Variants in TBC1D1 observed in about 807,000 individuals in gnomAD.
TBC1D1 encodes TBC1 (tre-2/USP6, BUB2, cdc16) domain family, member 1.
A neutral mutation model predicts 125.6 loss-of-function variants in TBC1D1; 89 were observed. That is an observed-to-expected ratio of 0.71 (90% CI 0.60 to 0.85). TBC1D1 has a LOEUF of 0.85. Among genes scored for constraint, TBC1D1 ranks in the 40% least tolerant of loss-of-function variants. The pLI is 0.00. For missense variants in TBC1D1, 1,377 were observed against 1,469.2 expected (o/e 0.94, Z 1.03); for synonymous variants, 565 against 564.1 (o/e 1.00, Z -0.02).
chr4:37,944,380 A>G (rs542573253), intron 2 of TBC1D1, among the ~76,000 whole-genome samples: 38 of 152,294 alleles, frequency 2.5e-4, no homozygotes, highest in African/African-American at 8.9e-4. Flanking sequence ...AGGGACATTT[A>G]AATCTGCAGA....
At chr4:37,983,750 A>C (rs1007377882) in intron 2 of TBC1D1, among the ~76,000 whole-genome samples, 1 of 152,228 alleles carries the variant, frequency 6.6e-6, no homozygotes, top group Non-Finnish European at 1.5e-5. Context: ...CTATATTGAC[A>C]TATGATTATC....
At chr4:38,011,536 TG>T (rs1363499817) in intron 2 of TBC1D1, among the ~76,000 whole-genome samples, 1 of 152,222 alleles carries the variant, frequency 6.6e-6, no homozygotes, top group Non-Finnish European at 1.5e-5. Context: ...AATTTGTTGT[TG>T]AAACTATATT....
At chr4:37,965,275 G>A (rs537445381) in intron 2 of TBC1D1, among the ~76,000 whole-genome samples, 1 of 152,238 alleles carries the variant, frequency 6.6e-6, no homozygotes, top group South Asian at 2.1e-4. Flanking sequence ...TCATACTCTC[G>A]ACCTCATGCG....
intron 14 of TBC1D1, among the ~76,000 whole-genome samples, chr4:38,099,707 C>T (rs1759975526): frequency 1.3e-5 from 2 of 152,186 alleles, no homozygotes; most frequent in Admixed American, 1.3e-4. Flanking sequence ...ACCCTGCCTG[C>T]AAGCCGTAGG....
Position 38,054,340 on chromosome 4 carries a change from T to G in TBC1D1, c.2050+2T>G. 6.2e-7 allele frequency: 1 copy of G among 1,613,916 alleles called. No homozygotes were observed. The highest frequency in any genetic ancestry group is 8.5e-7 in the Non-Finnish European group (1 of 1,179,958). The stretch of plus-strand genomic sequence containing the variant: ...GCGATTCTTCCAGCAGATATGAAGG[T>G]AAGGCCGGTACCTGAAATGAAACCT... On this transcript the variant is annotated splice_donor_variant, in intron 12 of 19. Coordinates refer to ENST00000261439, the MANE Select transcript of TBC1D1 (RefSeq NM_015173.4). LOFTEE classifies it high-confidence loss of function.
intron 15 of TBC1D1, chr4:38,110,114 C>A: frequency 1.4e-6 from 1 of 729,058 alleles, no homozygotes; most frequent in Non-Finnish European, 1.7e-6. Flanking sequence ...AGACCTCTGG[C>A]CTCTTGTAGC....
At chr4:37,993,025 A>G in intron 2 of TBC1D1, among the ~76,000 whole-genome samples, 1 of 151,630 alleles carries the variant, frequency 6.6e-6, no homozygotes, top group East Asian at 2.0e-4. Context: ...GACGGTCTCG[A>G]ACTCCTGACC....
chr4:38,093,527 CTTT>C (rs71658755), intron 13 of TBC1D1, among the ~76,000 whole-genome samples: 17,912 of 144,052 alleles, frequency 0.12, 1,518 homozygotes, highest in East Asian at 0.39. Flanking sequence ...TTTCCCCCCC[CTTT>C]TTTTTTTTTT....
chr4:37,917,498 GT>G (rs1356756117), intron 2 of TBC1D1, among the ~76,000 whole-genome samples: 1 of 152,036 alleles, frequency 6.6e-6, no homozygotes, highest in Non-Finnish European at 1.5e-5. Flanking sequence ...AATAAAAGAA[GT>G]TGTGTAAACA....
intron 17 of TBC1D1, chr4:38,118,430 GTGT>G: frequency 1.9e-6 from 1 of 516,912 alleles, no homozygotes; most frequent in East Asian, 3.4e-5. Context: ...GATCCGATCC[GTGT>G]AGATCCGATC....
intron 11 of TBC1D1, among the ~76,000 whole-genome samples, chr4:38,050,188 C>A (rs1750242958): frequency 6.6e-6 from 1 of 152,170 alleles, no homozygotes; most frequent in South Asian, 2.1e-4. Flanking sequence ...TGGAACTTTG[C>A]TGCTGTGAGG....
chr4:37,995,866 C>T lies in TBC1D1; in HGVS notation c.418-18643C>T. ...CATGTGATCACCAGAATGCATTTCT[C>T]TTTGAGAATCCAGACTTCTGGCTTA... is the stretch of plus-strand genomic sequence containing the variant. On this transcript the variant is annotated intron_variant, in intron 2 of 19. Coordinates refer to ENST00000261439, the MANE Select transcript of TBC1D1 (RefSeq NM_015173.4). The surrounding 1 kb of genome is among the most constrained non-coding windows in gnomAD (Gnocchi z 4.3). 1.7e-6 allele frequency: 1 copy of T among 577,486 alleles called. No individual in the cohort carries two copies. Among genetic ancestry groups the T allele is most frequent in the South Asian group, 1.4e-5 (1 of 72,660 alleles). 35.8% of individuals were successfully genotyped at this position (577,486 alleles called of 1,614,324 possible).
chr4:38,017,272 C>T (rs1299223126), intron 3 of TBC1D1, among the ~76,000 whole-genome samples: 3 of 152,092 alleles, frequency 2.0e-5, no homozygotes, highest in East Asian at 1.9e-4. Flanking sequence ...GATACTTATT[C>T]GTTGTTTACA....
At chr4:37,941,870 T>G (rs1272022283) in intron 2 of TBC1D1, among the ~76,000 whole-genome samples, 1 of 152,256 alleles carries the variant, frequency 6.6e-6, no homozygotes, top group Non-Finnish European at 1.5e-5. Flanking sequence ...CTAGTTTGAT[T>G]GCACTGTGGT....
At chr4:37,965,865 C>T (rs2152338532) in intron 2 of TBC1D1, among the ~76,000 whole-genome samples, 1 of 152,234 alleles carries the variant, frequency 6.6e-6, no homozygotes, top group Admixed American at 6.5e-5. Flanking sequence ...ATTCTCCTGC[C>T]TCAGCCTCCC....
At chr4:37,949,027 G>A (rs887084329) in intron 2 of TBC1D1, among the ~76,000 whole-genome samples, 5 of 152,142 alleles carry the variant, frequency 3.3e-5, no homozygotes, top group African/African-American at 1.2e-4. Context: ...TCAGTTGATG[G>A]CCATGGGTTG....
At position 38,014,569 on chromosome 4, in the gene TBC1D1, C is replaced by T. The variant is rs1240193721; in HGVS notation, c.478C>T (p.His160Tyr). The stretch of plus-strand genomic sequence containing the variant: ...GAAGATCGCCCGGCAGGAGGAGCTG[C>T]ACTGCCCGTCCGAGTTCGACGACAC... Residue 160 changes from histidine to tyrosine, a missense_variant, in exon 3 of 20, where the codon CAC (histidine) becomes TAC (tyrosine). His to Tyr is a moderately conservative substitution (Grantham distance 83). Coordinates refer to ENST00000261439, the MANE Select transcript of TBC1D1 (RefSeq NM_015173.4). The surrounding 1 kb of genome is among the most constrained non-coding windows in gnomAD (Gnocchi z 5.1). 3 of 1,613,254 alleles carry T rather than the reference C, an allele frequency of 1.9e-6. No individual in the cohort carries two copies. Among genetic ancestry groups the T allele is most frequent in the Non-Finnish European group, 2.5e-6 (3 of 1,180,038 alleles).
chr4:37,933,206 T>C lies in TBC1D1; in HGVS notation c.417+30694T>C, dbSNP rs114860986. Among the ~76,000 whole-genome samples, 691 of 152,238 alleles carry C rather than the reference T, an allele frequency of 4.5e-3. 3 individuals carry two copies. Among genetic ancestry groups the C allele is most frequent in the African/African-American group, 0.015 (630 of 41,540 alleles). ...TCAGTTTTACACCCATATGCATATA[T>C]ACTCACAAACACACATATATATACC... On this transcript the variant is annotated intron_variant, in intron 2 of 19. Coordinates refer to ENST00000261439, the MANE Select transcript of TBC1D1 (RefSeq NM_015173.4).
At chr4:37,987,557 T>G (rs533570172) in intron 2 of TBC1D1, among the ~76,000 whole-genome samples, 1 of 152,356 alleles carries the variant, frequency 6.6e-6, no homozygotes, top group South Asian at 2.1e-4. Flanking sequence ...AACATTCAAC[T>G]AATCTGCTTT....
Sources: gnomAD v4.1 joint callset for allele counts (sites outside exome capture counted in the v4.1 genomes callset) on GRCh38, gnomAD v4.1.1 for gene constraint, Gnocchi (gnomAD v3.1) non-coding constraint, MANE v1.5 for transcripts, NCBI Gene and HGNC (gene_info 2026-07-23, HGNC 2026-07-21) for gene names.